TENM4: variants seen among roughly 807,000 people sequenced by gnomAD.
TENM4 encodes teneurin transmembrane protein 4.
In TENM4, 82 loss-of-function variants were observed where a neutral mutation model predicts 243.3. The observed-to-expected ratio is 0.34, with a 90% CI of 0.28 to 0.40. TENM4 has a LOEUF of 0.40. Ranked by LOEUF, TENM4 falls within the 10% of genes least tolerant of loss-of-function variation. The pLI, the probability that TENM4 is intolerant of heterozygous loss-of-function variation, is 1.00. For missense variants in TENM4, 3,138 were observed against 3,673.3 expected (o/e 0.85, Z 3.77); for synonymous variants, 1,412 against 1,456.3 (o/e 0.97, Z 0.69).
chr11:78,933,065 T>A (rs1242050618), intron 6 of TENM4, among the ~76,000 whole-genome samples: 1 of 152,126 alleles, frequency 6.6e-6, no homozygotes, highest in African/African-American at 2.4e-5. Flanking sequence ...GGACCCGAAC[T>A]CCGCTCCTGT....
chr11:78,864,962 A>G (rs1858931319), intron 9 of TENM4, among the ~76,000 whole-genome samples: 2 of 152,210 alleles, frequency 1.3e-5, no homozygotes. Context: ...CTAGAAGAAC[A>G]CAGGGAAGGA....
chr11:78,759,744 T>G (rs1052031693), intron 18 of TENM4, among the ~76,000 whole-genome samples: 1 of 152,228 alleles, frequency 6.6e-6, no homozygotes, highest in Non-Finnish European at 1.5e-5. Context: ...TTACAAGGAA[T>G]GCATCATTGA....
At chr11:79,309,422 GC>G (rs1048848609) in intron 1 of TENM4, among the ~76,000 whole-genome samples, 1 of 152,146 alleles carries the variant, frequency 6.6e-6, no homozygotes, top group African/African-American at 2.4e-5. Context: ...TCTTGTGATA[GC>G]CACCAAGGCC....
intron 9 of TENM4, among the ~76,000 whole-genome samples, chr11:78,864,412 C>A (rs116653950): frequency 3.8e-5 from 4 of 105,418 alleles, no homozygotes; most frequent in Admixed American, 1.4e-4. Context: ...CCAGCCTGGG[C>A]GACAGAGCGA....
chr11:79,025,861 T>C (rs1859065628), intron 6 of TENM4, among the ~76,000 whole-genome samples: 3 of 152,156 alleles, frequency 2.0e-5, no homozygotes, highest in African/African-American at 7.2e-5. Context: ...TTACAATGAA[T>C]GTGAATCTGT....
chr11:79,185,888 A>G (rs1443854055), intron 3 of TENM4, among the ~76,000 whole-genome samples: 1 of 152,242 alleles, frequency 6.6e-6, no homozygotes, highest in Non-Finnish European at 1.5e-5. Context: ...CATAACGACA[A>G]TGATGATGAT....
chr11:79,151,933 C>A (rs1862519598), intron 3 of TENM4, among the ~76,000 whole-genome samples: 1 of 152,082 alleles, frequency 6.6e-6, no homozygotes, highest in South Asian at 2.1e-4. Context: ...AGAACCAACC[C>A]CAGTGGCTGG....
intron 6 of TENM4, among the ~76,000 whole-genome samples, chr11:78,957,927 A>G (rs949313072): frequency 6.6e-6 from 1 of 152,228 alleles, no homozygotes; most frequent in African/African-American, 2.4e-5. Flanking sequence ...CCTACTAAGG[A>G]GAAGACAAAA....
At chr11:79,242,459 G>A (rs140699104) in intron 2 of TENM4, among the ~76,000 whole-genome samples, 4 of 152,234 alleles carry the variant, frequency 2.6e-5, no homozygotes, top group African/African-American at 7.2e-5. Context: ...GACAACTACC[G>A]TTAACAGTTT....
intron 2 of TENM4, among the ~76,000 whole-genome samples, chr11:79,288,118 C>T (rs888484480): frequency 6.6e-6 from 1 of 152,216 alleles, no homozygotes; most frequent in Non-Finnish European, 1.5e-5. Flanking sequence ...AGCACAGAAA[C>T]CCAGGTTGGT....
rs537961202 is a variant in TENM4, at chr11:79,089,939, A to G, written c.-65-19930T>C. On this transcript the variant is annotated intron_variant, in intron 4 of 33. Transcript: ENST00000278550. ...TAAGGGAGCTGAGATTCAAAGCCCC[A>G]CACAGAGAGCCTCCATTTTTTTAGC... Among the ~76,000 whole-genome samples, 3 of 152,350 alleles carry G rather than the reference A, an allele frequency of 2.0e-5. No individual in the cohort carries two copies. In the South Asian group the frequency reaches 6.2e-4, roughly 32 times the overall value.
At chr11:79,401,751 C>A (rs1443896495) in intron 1 of TENM4, among the ~76,000 whole-genome samples, 1 of 152,208 alleles carries the variant, frequency 6.6e-6, no homozygotes, top group African/African-American at 2.4e-5. Context: ...ACCCCTGGAT[C>A]TTTGATCTGG....
At chr11:79,362,774 G>A (rs543961665) in intron 1 of TENM4, among the ~76,000 whole-genome samples, 1 of 152,344 alleles carries the variant, frequency 6.6e-6, no homozygotes, top group African/African-American at 2.4e-5. Flanking sequence ...TCACCAGTAA[G>A]AGAAGCATGA....
intron 21 of TENM4, among the ~76,000 whole-genome samples, chr11:78,731,081 A>G (rs1855656186): frequency 1.3e-5 from 2 of 152,210 alleles, no homozygotes; most frequent in South Asian, 4.1e-4. Context: ...ATCTGATAAT[A>G]AGCAAGATTT....
chr11:79,249,741 G>A (rs1312787995), intron 2 of TENM4, among the ~76,000 whole-genome samples: 1 of 152,202 alleles, frequency 6.6e-6, no homozygotes, highest in African/African-American at 2.4e-5. Flanking sequence ...CCCTAGCTAT[G>A]TGGCCTTGGG....
rs1212714168 is a variant in TENM4 at position 78,657,983 on chromosome 11, T to A, written c.*75A>T. 1.9e-6 allele frequency: 3 copies of A among 1,605,274 alleles called. No homozygotes were observed. The highest frequency in any genetic ancestry group is 2.6e-6 in the Non-Finnish European group (3 of 1,172,934). On this transcript the variant is annotated 3_prime_UTR_variant, in exon 34 of 34. Coordinates refer to ENST00000278550, the MANE Select transcript of TENM4 (RefSeq NM_001098816.3). ...TGCACTTGTTAAAAAATCATTTTTT[T>A]AAAAGTACAACACAGTCAGGTATGC...
intron 3 of TENM4, among the ~76,000 whole-genome samples, chr11:79,212,526 G>A (rs1055282155): frequency 2.0e-5 from 3 of 151,904 alleles, no homozygotes; most frequent in African/African-American, 7.3e-5. Flanking sequence ...AATCCTTTTT[G>A]GAAAGGGGGT....
In TENM4 at chr11:79,163,542, C is replaced by T. The variant is rs531325945; in HGVS notation, c.-162-14736G>A. Reference sequence around the variant, plus strand: ...GTGTAGTCTTTTATTCCTCACACCCCTCCTACCCTTTCCCCTGAGTCCCCA... The same window carrying T: ...GTGTAGTCTTTTATTCCTCACACCCTTCCTACCCTTTCCCCTGAGTCCCCA... On this transcript the variant is annotated intron_variant, in intron 3 of 33. Transcript: ENST00000278550. Among the ~76,000 whole-genome samples, 43 of 151,944 alleles carry T rather than the reference C, an allele frequency of 2.8e-4. 3 individuals carry two copies. The South Asian group carries it at 8.7e-3, about 31-fold the overall frequency.
chr11:79,066,266 G>A lies in TENM4; in HGVS notation c.224-1259C>T, dbSNP rs73504688. Among the ~76,000 whole-genome samples the A allele has an allele frequency of 2.1e-3, 314 of 152,318 alleles. 2 individuals are homozygous for A. Among genetic ancestry groups the A allele is most frequent in the African/African-American group, 7.1e-3 (293 of 41,560 alleles). On this transcript the variant is annotated intron_variant, in intron 5 of 33. Coordinates refer to ENST00000278550, the MANE Select transcript of TENM4 (RefSeq NM_001098816.3). ...CTTAGAGGAGAGGTTTGCGATGAGA[G>A]TGAATGTGGAGAATGACAAGTTAGA...
Sources: gnomAD v4.1 joint callset for allele counts (sites outside exome capture counted in the v4.1 genomes callset) on GRCh38, gnomAD v4.1.1 for gene constraint, MANE v1.5 for transcripts, NCBI Gene and HGNC (gene_info 2026-07-23, HGNC 2026-07-21) for gene names.